NAALADL2: variants seen among roughly 807,000 people sequenced by gnomAD.
NAALADL2 encodes inactive N-acetylated-alpha-linked acidic dipeptidase-like protein 2.
A neutral mutation model predicts 87.2 loss-of-function variants in NAALADL2; 76 were observed. The ratio of observed to expected loss-of-function variants is 0.87; its 90% confidence interval spans 0.72 to 1.05. NAALADL2 has a LOEUF of 1.05. Ranked by LOEUF, NAALADL2 falls within the 50% of genes least tolerant of loss-of-function variation. The pLI is 0.00. For synonymous variants in NAALADL2, 354 were observed against 331.0 expected (o/e 1.07, Z -0.75); for missense variants, 1,089 against 945.8 (o/e 1.15, Z -1.99).
chr3:174,900,805 T>C (rs1251886989), intron 1 of NAALADL2, among the ~76,000 whole-genome samples: 1 of 151,996 alleles, frequency 6.6e-6, no homozygotes, highest in East Asian at 1.9e-4. Flanking sequence ...GATAAAAATA[T>C]GCCCTTTTTA....
chr3:174,870,065 G>A (rs1161071507), intron 1 of NAALADL2, among the ~76,000 whole-genome samples: 1 of 80,118 alleles, frequency 1.2e-5, no homozygotes, highest in African/African-American at 4.1e-5. Context: ...AGAGATGTGA[G>A]TGAGTTTGTG....
chr3:174,782,124 A>T (rs915146074), intron 3 of NAALADL2, among the ~76,000 whole-genome samples: 1 of 152,128 alleles, frequency 6.6e-6, no homozygotes, highest in African/African-American at 2.4e-5. Flanking sequence ...ACTGCTGAGA[A>T]CAGTTTACTC....
chr3:175,023,036 G>A (rs933309371), intron 1 of NAALADL2, among the ~76,000 whole-genome samples: 11 of 152,004 alleles, frequency 7.2e-5, no homozygotes, highest in Admixed American at 3.9e-4. Flanking sequence ...CTGGTTGGTC[G>A]ATTAGAAGAT....
At chr3:174,904,354 A>G (rs1000921616) in intron 1 of NAALADL2, among the ~76,000 whole-genome samples, 1 of 151,920 alleles carries the variant, frequency 6.6e-6, no homozygotes, top group Non-Finnish European at 1.5e-5. Flanking sequence ...TACGTTCTGT[A>G]TATCTGCCAA....
chr3:175,434,852 C>T (rs1254129854), intron 5 of NAALADL2, among the ~76,000 whole-genome samples: 1 of 151,926 alleles, frequency 6.6e-6, no homozygotes, highest in Non-Finnish European at 1.5e-5. Context: ...AGTTATGAAT[C>T]TAGACTACTC....
At chr3:175,150,220 T>G (rs1731345893) in intron 2 of NAALADL2, among the ~76,000 whole-genome samples, 1 of 152,184 alleles carries the variant, frequency 6.6e-6, no homozygotes, top group Admixed American at 6.6e-5. Flanking sequence ...TCAGTTTTTC[T>G]GTTTAAAAGC....
intron 1 of NAALADL2, among the ~76,000 whole-genome samples, chr3:174,503,632 T>C (rs1421691263): frequency 6.6e-6 from 1 of 152,174 alleles, no homozygotes; most frequent in East Asian, 1.9e-4. Flanking sequence ...TTTGTGCTTA[T>C]TTCACTTAAT....
At chr3:174,839,682 T>C (rs1359052758) in intron 3 of NAALADL2, among the ~76,000 whole-genome samples, 1 of 151,780 alleles carries the variant, frequency 6.6e-6, no homozygotes, top group Non-Finnish European at 1.5e-5. Context: ...AAAAGTGGGC[T>C]AAGGACATGA....
chr3:175,397,644 C>T (rs967755758), intron 5 of NAALADL2, among the ~76,000 whole-genome samples: 2 of 152,086 alleles, frequency 1.3e-5, no homozygotes, highest in African/African-American at 2.4e-5. Flanking sequence ...AAACATGAAG[C>T]GAGTGTGATT....
At chr3:175,412,057 C>T (rs192278873) in intron 5 of NAALADL2, among the ~76,000 whole-genome samples, 3 of 152,310 alleles carry the variant, frequency 2.0e-5, no homozygotes, top group Admixed American at 6.5e-5. Context: ...AAAGGGAGAA[C>T]TTCTGTCTGA....
chr3:175,768,993 A>T (rs1312704421), intron 13 of NAALADL2, among the ~76,000 whole-genome samples: 1 of 152,176 alleles, frequency 6.6e-6, no homozygotes, highest in Non-Finnish European at 1.5e-5. Context: ...ACAAAAATGG[A>T]TATTTAATAT....
At chr3:175,371,126 C>A (rs1766423693) in intron 5 of NAALADL2, among the ~76,000 whole-genome samples, 1 of 152,068 alleles carries the variant, frequency 6.6e-6, no homozygotes, top group Non-Finnish European at 1.5e-5. Flanking sequence ...TCAAATTATA[C>A]TATGTATAGT....
chr3:175,351,119 G>A (rs1003633088), intron 5 of NAALADL2, among the ~76,000 whole-genome samples: 18 of 151,994 alleles, frequency 1.2e-4, no homozygotes, highest in African/African-American at 4.3e-4. Context: ...ATGCATCATA[G>A]AATAACTTCA....
At chr3:175,463,258 C>T (rs189242763) in intron 6 of NAALADL2, 143 bp from the exon 7 acceptor site, 159 of 553,848 alleles carry the variant, frequency 2.9e-4, no homozygotes, top group African/African-American at 1.8e-3. Context: ...AAATATTTGT[C>T]GGAAAAAGTA....
intron 3 of NAALADL2, among the ~76,000 whole-genome samples, chr3:174,819,079 T>TTC (rs1721130713): frequency 7.5e-6 from 1 of 132,546 alleles, no homozygotes; most frequent in Non-Finnish European, 1.6e-5. Flanking sequence ...TTTTTTTTTT[T>TTC]TTTTTTTGGA....
At chr3:175,593,616 G>A (rs1721839995) in intron 10 of NAALADL2, among the ~76,000 whole-genome samples, 1 of 152,144 alleles carries the variant, frequency 6.6e-6, no homozygotes, top group Non-Finnish European at 1.5e-5. Flanking sequence ...AGGAGAAACT[G>A]TTCCATGCTT....
chr3:175,665,433 A>G (rs898089931), intron 11 of NAALADL2, among the ~76,000 whole-genome samples: 3 of 152,198 alleles, frequency 2.0e-5, no homozygotes, highest in Non-Finnish European at 1.5e-5. Flanking sequence ...TTTTTACTTG[A>G]GAGAACCACA....
At chr3:175,704,518 G>A (rs1459284826) in intron 11 of NAALADL2, among the ~76,000 whole-genome samples, 1 of 152,090 alleles carries the variant, frequency 6.6e-6, no homozygotes, top group Non-Finnish European at 1.5e-5. Context: ...AGGAAGCTAA[G>A]TAAAGTTTTG....
At chr3:175,212,939 G>C (rs980136714) in intron 2 of NAALADL2, among the ~76,000 whole-genome samples, 2 of 152,146 alleles carry the variant, frequency 1.3e-5, no homozygotes, top group African/African-American at 4.8e-5. Context: ...TGGCTCTCTG[G>C]AGTGGGTGAG....
Sources: gnomAD v4.1 joint callset for allele counts (sites outside exome capture counted in the v4.1 genomes callset) on GRCh38, gnomAD v4.1.1 for gene constraint, MANE v1.5 for transcripts, NCBI Gene and HGNC (gene_info 2026-07-23, HGNC 2026-07-21) for gene names.